The following LRRC4C variants were observed in gnomAD, a reference collection of about 807,000 sequenced individuals.
LRRC4C encodes the protein leucine-rich repeat-containing protein 4C.
Under a neutral mutation model 33.6 loss-of-function variants are expected in LRRC4C, and 5 were observed. The ratio of observed to expected loss-of-function variants is 0.15; its 90% CI spans 0.08 to 0.31. LRRC4C has a LOEUF of 0.31. Among genes scored for constraint, LRRC4C ranks in the 10% least tolerant of loss-of-function variants. The pLI is 1.00. For missense variants in LRRC4C, 560 were observed against 796.7 expected (o/e 0.70, Z 3.58); for synonymous variants, 329 against 302.0 (o/e 1.09, Z -0.93).
At chr11:41,362,278 C>A (rs150643507) in intron 1 of LRRC4C, among the ~76,000 whole-genome samples, 5 of 152,008 alleles carry the variant, frequency 3.3e-5, no homozygotes, top group Non-Finnish European at 5.9e-5. Context: ...TTTTCTCAAT[C>A]TTTGTGCTAA....
intron 3 of LRRC4C, among the ~76,000 whole-genome samples, chr11:40,359,756 T>G (rs925040265): frequency 6.6e-6 from 1 of 152,204 alleles, no homozygotes. Context: ...CCAATCTGAA[T>G]AGCCTCATCT....
In LRRC4C at chr11:40,198,413, G is replaced by A. The variant is rs543040833; in HGVS notation, c.-96+43106C>T. On this transcript the variant is annotated intron_variant, in intron 5 of 6. Coordinates refer to ENST00000528697, the MANE Select transcript of LRRC4C (RefSeq NM_001258419.2). ...AACGATTCATTTACTTTCCCTCCTC[G>A]ATTAACAATTGTTATGAGATATCCA... Among the ~76,000 whole-genome samples the A allele has an allele frequency of 4.3e-4, 66 of 152,198 alleles. 2 individuals are homozygous for A. In the South Asian group the frequency reaches 0.011, roughly 26 times the overall value.
chr11:41,027,034 G>A (rs1309998965), intron 1 of LRRC4C, among the ~76,000 whole-genome samples: 1 of 151,500 alleles, frequency 6.6e-6, no homozygotes, highest in African/African-American at 2.4e-5. Flanking sequence ...TGCTAGTCTA[G>A]TGCTTGTGAA....
At chr11:40,649,315 C>T (rs960236465) in intron 2 of LRRC4C, among the ~76,000 whole-genome samples, 1 of 152,130 alleles carries the variant, frequency 6.6e-6, no homozygotes, top group Non-Finnish European at 1.5e-5. Flanking sequence ...GACCTCCCCC[C>T]AAGAATGCAT....
chr11:40,629,588 C>G (rs779903259), intron 3 of LRRC4C, among the ~76,000 whole-genome samples: 6 of 152,150 alleles, frequency 3.9e-5, no homozygotes, highest in Non-Finnish European at 7.4e-5. Context: ...AGAATGGATT[C>G]ACTCTAAGTC....
intron 2 of LRRC4C, among the ~76,000 whole-genome samples, chr11:40,733,419 T>C (rs889555785): frequency 2.6e-5 from 4 of 152,152 alleles, no homozygotes; most frequent in African/African-American, 4.8e-5. Context: ...TATATCTTTA[T>C]ACAATCCTCA....
intron 4 of LRRC4C, among the ~76,000 whole-genome samples, chr11:40,274,424 T>TACACAC (rs56027023): frequency 0.25 from 34,459 of 138,634 alleles, 4,657 homozygotes; most frequent in East Asian, 0.37. Context: ...GACACACACA[T>TACACAC]ACACACACAC....
At chr11:40,753,796 CA>C (rs1204063071) in intron 2 of LRRC4C, among the ~76,000 whole-genome samples, 9 of 151,786 alleles carry the variant, frequency 5.9e-5, no homozygotes, top group African/African-American at 2.2e-4. Flanking sequence ...GACAATTCTC[CA>C]AAAACACATT....
intron 5 of LRRC4C, among the ~76,000 whole-genome samples, chr11:40,232,202 C>T (rs1293791555): frequency 2.0e-5 from 3 of 152,128 alleles, no homozygotes; most frequent in Admixed American, 6.6e-5. Context: ...GACGAGGTTT[C>T]GCCATGTTGG....
intron 4 of LRRC4C, among the ~76,000 whole-genome samples, chr11:40,302,808 G>T (rs1171680493): frequency 6.6e-6 from 1 of 152,104 alleles, no homozygotes; most frequent in Non-Finnish European, 1.5e-5. Flanking sequence ...TATTTAGAAA[G>T]GGTGTATGCT....
chr11:40,482,192 A>T (rs997136794), intron 3 of LRRC4C, among the ~76,000 whole-genome samples: 3 of 152,206 alleles, frequency 2.0e-5, no homozygotes, highest in Non-Finnish European at 2.9e-5. Flanking sequence ...AATAGAGCAG[A>T]TCAAAGAGTC....
At chr11:41,113,378 C>G (rs568082138) in intron 1 of LRRC4C, among the ~76,000 whole-genome samples, 1 of 152,124 alleles carries the variant, frequency 6.6e-6, no homozygotes, top group Non-Finnish European at 1.5e-5. Flanking sequence ...GTCTGCCCAG[C>G]ACCGGGCTGT....
intron 1 of LRRC4C, among the ~76,000 whole-genome samples, chr11:41,448,212 C>T (rs1955900122): frequency 1.4e-5 from 2 of 140,418 alleles, no homozygotes; most frequent in African/African-American, 5.4e-5. Flanking sequence ...CCTTAATCAG[C>T]TATTTGTTAC....
chr11:40,640,888 C>T (rs903317096), intron 3 of LRRC4C, among the ~76,000 whole-genome samples: 4 of 151,692 alleles, frequency 2.6e-5, no homozygotes, highest in Admixed American at 2.6e-4. Flanking sequence ...TGGTGGCGGG[C>T]GCCTGTAGTC....
intron 3 of LRRC4C, among the ~76,000 whole-genome samples, chr11:40,493,766 T>G (rs75149626): frequency 0.028 from 4,273 of 152,188 alleles, 85 homozygotes; most frequent in Middle Eastern, 0.065. Flanking sequence ...ACCAACCAAC[T>G]AAGGTTATTA....
intron 3 of LRRC4C, among the ~76,000 whole-genome samples, chr11:40,562,435 G>A (rs141374580): frequency 6.6e-6 from 1 of 152,110 alleles, no homozygotes; most frequent in East Asian, 1.9e-4. Flanking sequence ...ACTGATTATA[G>A]GTCATTCATC....
intron 1 of LRRC4C, among the ~76,000 whole-genome samples, chr11:41,446,023 T>G (rs1955814708): frequency 6.6e-6 from 1 of 152,188 alleles, no homozygotes; most frequent in African/African-American, 2.4e-5. Flanking sequence ...TTCTACACAT[T>G]TATTTGTTGA....
chr11:40,530,767 A>G (rs1474050847), intron 3 of LRRC4C, among the ~76,000 whole-genome samples: 1 of 152,176 alleles, frequency 6.6e-6, no homozygotes, highest in Non-Finnish European at 1.5e-5. Context: ...AAGAACTGGT[A>G]TATGCCAAAA....
chr11:40,331,540 A>C (rs540317944), intron 3 of LRRC4C, among the ~76,000 whole-genome samples: 1 of 152,338 alleles, frequency 6.6e-6, no homozygotes, highest in South Asian at 2.1e-4. Context: ...TACAGTAGGT[A>C]AAATAAGCAA....
Sources: allele counts gnomAD v4.1 joint callset (sites outside exome capture counted in the v4.1 genomes callset), GRCh38; gene constraint gnomAD v4.1.1; transcripts MANE v1.5; gene names NCBI Gene and HGNC (gene_info 2026-07-23, HGNC 2026-07-21).